The following RBFOX1 variants were observed in gnomAD, a reference collection of about 807,000 sequenced individuals.
RBFOX1 encodes RNA binding fox-1 homolog 1, also known as RNA binding protein fox-1 homolog 1.
Under a neutral mutation model 57.7 loss-of-function variants are expected in RBFOX1, and 8 were observed. The observed-to-expected ratio is 0.14, with a 90% CI of 0.08 to 0.25. The LOEUF is 0.25. Ranked by LOEUF, RBFOX1 falls within the 10% of genes least tolerant of loss-of-function variation. RBFOX1 has a pLI of 1.00. For missense variants in RBFOX1, 611 were observed against 548.5 expected (o/e 1.11, Z -1.14); for synonymous variants, 326 against 222.4 (o/e 1.47, Z -4.15).
At chr16:7,161,889 G>A (rs532566538) in intron 4 of RBFOX1, among the ~76,000 whole-genome samples, 2 of 152,348 alleles carry the variant, frequency 1.3e-5, no homozygotes, top group South Asian at 2.1e-4. Flanking sequence ...GAATGAGAAA[G>A]GTGATGTTTA....
At chr16:7,244,607 T>A (rs910343160) in intron 4 of RBFOX1, among the ~76,000 whole-genome samples, 1 of 152,222 alleles carries the variant, frequency 6.6e-6, no homozygotes, top group African/African-American at 2.4e-5. Flanking sequence ...GGGGTTGGCC[T>A]AGGGCTCGAG....
chr16:7,002,813 T>C (rs767921329), intron 3 of RBFOX1, among the ~76,000 whole-genome samples: 5 of 152,190 alleles, frequency 3.3e-5, no homozygotes, highest in Non-Finnish European at 5.9e-5. Flanking sequence ...TTGTGGTAGA[T>C]GCTATATAAT....
At chr16:6,748,070 C>T (rs1351873606) in intron 3 of RBFOX1, among the ~76,000 whole-genome samples, 4 of 152,078 alleles carry the variant, frequency 2.6e-5, no homozygotes, top group African/African-American at 9.7e-5. Context: ...TTTCCTGATA[C>T]TTTTTTTGTG....
chr16:6,704,152 G>C (rs1459900616), intron 3 of RBFOX1: 4 of 152,136 alleles, frequency 2.6e-5, no homozygotes, highest in African/African-American at 9.7e-5. Flanking sequence ...CATGGGGCAG[G>C]CATTGTTATT....
At chr16:5,956,114 A>C (rs1234650938) in intron 4 of RBFOX1, among the ~76,000 whole-genome samples, 1 of 152,046 alleles carries the variant, frequency 6.6e-6, no homozygotes, top group Non-Finnish European at 1.5e-5. Context: ...CATCTCTACA[A>C]GTAATACCAA....
At chr16:7,016,115 C>G (rs753701675) in intron 3 of RBFOX1, among the ~76,000 whole-genome samples, 2 of 152,166 alleles carry the variant, frequency 1.3e-5, no homozygotes, top group Non-Finnish European at 2.9e-5. Flanking sequence ...AAGTTCATCA[C>G]TTCTGGGACA....
intron 4 of RBFOX1, among the ~76,000 whole-genome samples, chr16:7,083,357 A>G (rs1032841608): frequency 6.6e-6 from 1 of 152,016 alleles, no homozygotes; most frequent in South Asian, 2.1e-4. Context: ...GAGGGACCAC[A>G]TGTTCAAGCA....
At chr16:6,717,625 G>C (rs891268495) in intron 3 of RBFOX1, among the ~76,000 whole-genome samples, 2 of 149,132 alleles carry the variant, frequency 1.3e-5, no homozygotes, top group South Asian at 4.3e-4. Context: ...TTTTTTACAT[G>C]TCACATCCTG....
chr16:6,538,605 G>A (rs985976170), intron 2 of RBFOX1, among the ~76,000 whole-genome samples: 1 of 152,198 alleles, frequency 6.6e-6, no homozygotes, highest in Non-Finnish European at 1.5e-5. Context: ...TGTTGTCCAG[G>A]CTGTGGAGAA....
chr16:5,354,935 G>A (rs929099401), intron 1 of RBFOX1, among the ~76,000 whole-genome samples: 2 of 152,124 alleles, frequency 1.3e-5, no homozygotes, highest in African/African-American at 4.8e-5. Flanking sequence ...GCGCCTGAGG[G>A]TGGTTAAGGG....
intron 3 of RBFOX1, among the ~76,000 whole-genome samples, chr16:6,982,853 C>T (rs138369465): frequency 2.0e-5 from 3 of 151,916 alleles, no homozygotes; most frequent in African/African-American, 7.2e-5. Context: ...ATTAGCTGGG[C>T]ATGGTGGCGG....
At chr16:7,618,000 G>A (rs1211118366) in intron 10 of RBFOX1, among the ~76,000 whole-genome samples, 3 of 100,164 alleles carry the variant, frequency 3.0e-5, no homozygotes, top group South Asian at 3.7e-4. Context: ...AATCCATTGA[G>A]AAAACTTAAA....
chr16:6,861,060 G>C (rs1243669365), intron 3 of RBFOX1, among the ~76,000 whole-genome samples: 1 of 152,138 alleles, frequency 6.6e-6, no homozygotes, highest in Non-Finnish European at 1.5e-5. Context: ...ATCTGCGAGA[G>C]TGACTGACAA....
At chr16:6,259,728 C>T (rs982259422) in intron 1 of RBFOX1, among the ~76,000 whole-genome samples, 1 of 151,988 alleles carries the variant, frequency 6.6e-6, no homozygotes, top group African/African-American at 2.4e-5. Context: ...GAAGCCAAGG[C>T]GGATGGATCA....
chr16:6,311,101 C>T (rs749154438), intron 1 of RBFOX1, among the ~76,000 whole-genome samples: 1 of 151,772 alleles, frequency 6.6e-6, no homozygotes, highest in Non-Finnish European at 1.5e-5. Flanking sequence ...TCAAGACCAG[C>T]CTGGCCGACA....
chr16:5,503,266 C>G (rs1391453703), intron 2 of RBFOX1, among the ~76,000 whole-genome samples: 2 of 152,314 alleles, frequency 1.3e-5, no homozygotes, highest in East Asian at 3.9e-4. Flanking sequence ...TCCAAGAGGA[C>G]CTCTGGTATT....
chr16:7,349,648 G>A (rs1387046269), intron 4 of RBFOX1, among the ~76,000 whole-genome samples: 1 of 152,132 alleles, frequency 6.6e-6, no homozygotes, highest in Non-Finnish European at 1.5e-5. Flanking sequence ...AGGCTGAGGA[G>A]GGTTGGGTTC....
At chr16:5,355,009 G>T (rs978631538) in intron 1 of RBFOX1, among the ~76,000 whole-genome samples, 3 of 24,200 alleles carry the variant, frequency 1.2e-4, no homozygotes, top group African/African-American at 1.7e-4. Flanking sequence ...ATGTGTATAT[G>T]AGAGAGAGAG....
intron 4 of RBFOX1, among the ~76,000 whole-genome samples, chr16:7,431,466 C>G (rs1400564054): frequency 2.0e-5 from 3 of 152,034 alleles, no homozygotes; most frequent in African/African-American, 4.8e-5. Context: ...GTCTCAAGCT[C>G]CTGAACTCAA....
Sources: allele counts gnomAD v4.1 joint callset (sites outside exome capture counted in the v4.1 genomes callset), GRCh38; gene constraint gnomAD v4.1.1; transcripts MANE v1.5; gene names NCBI Gene and HGNC (gene_info 2026-07-23, HGNC 2026-07-21).